Variants in AOPEP observed in about 807,000 individuals in gnomAD.
The protein encoded by AOPEP is aminopeptidase O (putative).
AOPEP carries 77 observed loss-of-function variants against 98.1 expected under a neutral mutation model. The ratio of observed to expected loss-of-function variants is 0.78; its 90% confidence interval spans 0.65 to 0.95. The LOEUF (loss-of-function observed/expected upper bound fraction) is 0.95, where lower values mean the gene tolerates loss of function less well. AOPEP is among the 40% of genes least tolerant of loss of function. AOPEP has a pLI of 0.00. For missense variants in AOPEP, 1,024 were observed against 1,024.7 expected, an observed-to-expected ratio of 1.00 and a Z score of 0.01; for synonymous variants, 346 against 365.3, an observed-to-expected ratio of 0.95 and a Z score of 0.60.
At chr9:94,885,122 G>A (rs1019436637) in intron 5 of AOPEP, among the ~76,000 whole-genome samples, 8 of 151,938 alleles carry the variant, frequency 5.3e-5, no homozygotes, top group Non-Finnish European at 8.8e-5. Flanking sequence ...GATGAGGAGG[G>A]TGGATCACTT....
intron 7 of AOPEP, among the ~76,000 whole-genome samples, chr9:94,934,035 A>G (rs918840712): frequency 2.6e-5 from 4 of 152,236 alleles, no homozygotes; most frequent in Admixed American, 6.5e-5. Flanking sequence ...GGCGTGAGCC[A>G]CTGCGCCCAG....
chr9:95,105,507 T>A, the AOPEP span, among the ~76,000 whole-genome samples: 1 of 152,232 alleles, frequency 6.6e-6, no homozygotes, highest in South Asian at 2.1e-4. Flanking sequence ...AGATGAGTAT[T>A]TTTTTAAATT....
chr9:94,853,104 A>G (rs577484992), intron 5 of AOPEP, among the ~76,000 whole-genome samples: 1 of 152,358 alleles, frequency 6.6e-6, no homozygotes, highest in African/African-American at 2.4e-5. Context: ...TCCTTTGAGT[A>G]GAATGATTTA....
At chr9:95,086,323 AG>A in intron 16 of AOPEP, 1 of 985,452 alleles carries the variant, frequency 1.0e-6, no homozygotes, top group South Asian at 4.7e-5. Flanking sequence ...CAGTGCCAGC[AG>A]GGGGCCGTTT....
At chr9:94,853,523 T>G (rs1396245039) in intron 5 of AOPEP, among the ~76,000 whole-genome samples, 1 of 152,196 alleles carries the variant, frequency 6.6e-6, no homozygotes, top group Non-Finnish European at 1.5e-5. Context: ...TGTACTGTCC[T>G]TTTATCAGAT....
chr9:94,796,532 C>A (rs1396608349), intron 4 of AOPEP, among the ~76,000 whole-genome samples: 1 of 152,234 alleles, frequency 6.6e-6, no homozygotes, highest in South Asian at 2.1e-4. Context: ...CTACTTCAAA[C>A]CTTCCTAAGA....
intron 14 of AOPEP, among the ~76,000 whole-genome samples, chr9:95,070,220 CAG>C (rs2068352364): frequency 6.6e-6 from 1 of 152,238 alleles, no homozygotes; most frequent in Non-Finnish European, 1.5e-5. Flanking sequence ...CCTTACCAGC[CAG>C]TCAGCCCACT....
intron 1 of AOPEP, among the ~76,000 whole-genome samples, chr9:94,739,476 C>G (rs1707261175): frequency 6.6e-6 from 1 of 151,998 alleles, no homozygotes; most frequent in African/African-American, 2.4e-5. Context: ...GAAACCCTGT[C>G]TCTACTAAAA....
At chr9:94,918,047 G>T (rs1291057711) in intron 5 of AOPEP, among the ~76,000 whole-genome samples, 3 of 152,070 alleles carry the variant, frequency 2.0e-5, no homozygotes, top group African/African-American at 7.2e-5. Flanking sequence ...TTTGTGACCT[G>T]CTTTAAACCA....
At chr9:94,797,429 C>CAAAAAAAAAAAA (rs536953016) in intron 4 of AOPEP, among the ~76,000 whole-genome samples, 1 of 97,522 alleles carries the variant, frequency 1.0e-5, no homozygotes, top group South Asian at 3.0e-4. Context: ...GACTCCGTCT[C>CAAAAAAAAAAAA]AAAAAAAAAA....
At chr9:95,007,941 G>C (rs2132789778) in intron 13 of AOPEP, among the ~76,000 whole-genome samples, 1 of 152,296 alleles carries the variant, frequency 6.6e-6, no homozygotes, top group Non-Finnish European at 1.5e-5. Flanking sequence ...TTGCTGTTGA[G>C]TCTAATAAGT....
At chr9:94,790,122 G>T (rs112085539) in intron 3 of AOPEP, among the ~76,000 whole-genome samples, 9,905 of 151,526 alleles carry the variant, frequency 0.065, 1,078 homozygotes, top group African/African-American at 0.23. Context: ...TGATCCGCCC[G>T]CCTCGGCCTC....
chr9:95,150,011 C>G, the AOPEP span: 57 of 1,613,904 alleles, frequency 3.5e-5, no homozygotes, highest in Non-Finnish European at 4.8e-5. Context: ...AGAGCCTCCA[C>G]CAGGGGGTCA....
At chr9:95,129,352 C>T in the AOPEP span, among the ~76,000 whole-genome samples, 32 of 152,180 alleles carry the variant, frequency 2.1e-4, no homozygotes, top group Non-Finnish European at 4.0e-4. Context: ...TCTTAAGCTG[C>T]TTTTCTTATC....
At chr9:94,928,876 A>AG (rs1406362851) in intron 7 of AOPEP, 5 of 205,792 alleles carry the variant, frequency 2.4e-5, no homozygotes, top group Middle Eastern at 1.8e-3. Flanking sequence ...ATAAAGCCAA[A>AG]GGGGAAAAAA....
At chr9:95,121,336 G>A in the AOPEP span, among the ~76,000 whole-genome samples, 2 of 152,286 alleles carry the variant, frequency 1.3e-5, no homozygotes, top group Admixed American at 1.3e-4. Flanking sequence ...AGGGACAAGA[G>A]GAAAGGGTAA....
chr9:95,112,200 G>A, the AOPEP span, among the ~76,000 whole-genome samples: 3 of 152,222 alleles, frequency 2.0e-5, no homozygotes, highest in Admixed American at 2.0e-4. Flanking sequence ...TTGTTTTAAG[G>A]GTAGAATTTG....
chr9:94,809,948 C>A (rs1015609904), intron 5 of AOPEP: 1 of 156,070 alleles, frequency 6.4e-6, no homozygotes, highest in African/African-American at 2.4e-5. Context: ...GCTAACAGGT[C>A]TTCCCAGCTG....
At chr9:94,935,782 C>G (rs771394231) in intron 7 of AOPEP, among the ~76,000 whole-genome samples, 1 of 152,194 alleles carries the variant, frequency 6.6e-6, no homozygotes, top group Non-Finnish European at 1.5e-5. Flanking sequence ...CAGCCCCACT[C>G]TCTCTAAAGA....
Sources: allele counts gnomAD v4.1 joint callset (sites outside exome capture counted in the v4.1 genomes callset), GRCh38; gene constraint gnomAD v4.1.1; transcripts MANE v1.5; gene names NCBI Gene and HGNC (gene_info 2026-07-23, HGNC 2026-07-21).